Variants in PRELID2 observed in about 807,000 individuals in gnomAD.
PRELID2 encodes the protein PRELI domain containing 2.
A neutral mutation model predicts 28.4 loss-of-function variants in PRELID2; 25 were observed. The ratio of observed to expected loss-of-function variants is 0.88; its 90% CI spans 0.64 to 1.23. PRELID2 has a LOEUF of 1.23. PRELID2 is among the 50% of genes most tolerant of loss of function. The probability of loss-of-function intolerance (pLI) is 0.00; values close to 1 mark genes in which losing one functional copy is unlikely to be tolerated. For missense variants in PRELID2, 201 were observed against 214.4 expected, an observed-to-expected ratio of 0.94 and a Z score of 0.39; for synonymous variants, 76 against 71.6, an observed-to-expected ratio of 1.06 and a Z score of -0.31.
intron 1 of PRELID2, among the ~76,000 whole-genome samples, chr5:145,573,342 T>C (rs1753031047): frequency 6.6e-6 from 1 of 152,090 alleles, no homozygotes; most frequent in Admixed American, 6.5e-5. Flanking sequence ...CTTTTCTTTT[T>C]TTTTTTACTT....
intron 5 of PRELID2, among the ~76,000 whole-genome samples, chr5:145,780,252 G>T (rs113316247): frequency 5.9e-5 from 9 of 152,228 alleles, no homozygotes; most frequent in African/African-American, 2.2e-4. Flanking sequence ...GGTGGAGGTT[G>T]CAGTGAGCCA....
chr5:145,397,335 A>G, the PRELID2 span, among the ~76,000 whole-genome samples: 2 of 152,154 alleles, frequency 1.3e-5, no homozygotes, highest in Non-Finnish European at 2.9e-5. Flanking sequence ...CCAGGGTAAC[A>G]TATTTTGACA....
the PRELID2 span, among the ~76,000 whole-genome samples, chr5:145,454,674 T>A: frequency 1.3e-5 from 2 of 152,160 alleles, no homozygotes; most frequent in African/African-American, 4.8e-5. Context: ...TGAACTCCCA[T>A]TCACAATTGC....
chr5:145,421,477 C>G, the PRELID2 span, among the ~76,000 whole-genome samples: 19 of 150,062 alleles, frequency 1.3e-4, no homozygotes, highest in African/African-American at 3.7e-4. Flanking sequence ...TGTATGTGTC[C>G]AGGAATTTAT....
chr5:145,474,980 T>C (rs780028860), intron 1 of PRELID2, among the ~76,000 whole-genome samples: 9 of 152,200 alleles, frequency 5.9e-5, no homozygotes, highest in Non-Finnish European at 8.8e-5. Context: ...AGGTCTGTTA[T>C]TTATGGAAAC....
At chr5:145,483,287 A>G (rs551808220) in intron 1 of PRELID2, among the ~76,000 whole-genome samples, 1 of 152,282 alleles carries the variant, frequency 6.6e-6, no homozygotes, top group African/African-American at 2.4e-5. Context: ...CACTCTGACC[A>G]TTCTGAGCCT....
intron 1 of PRELID2, among the ~76,000 whole-genome samples, chr5:145,602,481 C>T (rs1210176459): frequency 4.6e-5 from 7 of 151,916 alleles, no homozygotes; most frequent in Admixed American, 4.6e-4. Context: ...TGAGGAAGAA[C>T]TGGGAAGACA....
intron 1 of PRELID2, among the ~76,000 whole-genome samples, chr5:145,622,599 G>A (rs554561985): frequency 2.7e-4 from 41 of 152,200 alleles, no homozygotes; most frequent in African/African-American, 9.4e-4. Context: ...GGCAAAAATA[G>A]CATAAACTTG....
chr5:145,632,065 C>G (rs1753939799), intron 1 of PRELID2, among the ~76,000 whole-genome samples: 1 of 152,144 alleles, frequency 6.6e-6, no homozygotes, highest in Non-Finnish European at 1.5e-5. Flanking sequence ...ATAATAACCC[C>G]TTAAGGCCTA....
chr5:145,371,899 A>AAC, the PRELID2 span, among the ~76,000 whole-genome samples: 9 of 149,900 alleles, frequency 6.0e-5, no homozygotes, highest in African/African-American at 2.2e-4. Context: ...AAAAAAAAAA[A>AAC]ACAGCTCCTG....
intron 1 of PRELID2, among the ~76,000 whole-genome samples, chr5:145,533,302 T>C (rs961514002): frequency 6.6e-6 from 1 of 152,092 alleles, no homozygotes; most frequent in Non-Finnish European, 1.5e-5. Flanking sequence ...GTCCCGATGC[T>C]AGCACCAAAA....
chr5:145,814,351 C>G (rs573517303), intron 4 of PRELID2, among the ~76,000 whole-genome samples: 177 of 152,226 alleles, frequency 1.2e-3, no homozygotes, highest in African/African-American at 4.0e-3. Context: ...TTTCTACATA[C>G]AAAGAAAGGA....
At chr5:145,752,269 TA>T (rs2149752389), downstream of PRELID2, among the ~76,000 whole-genome samples, 1 of 152,322 alleles carries the variant, frequency 6.6e-6, no homozygotes, top group East Asian at 1.9e-4. Context: ...ACAGAACAAT[TA>T]ACACCTAAAG....
At chr5:145,739,526 G>A (rs1756591486) in intron 1 of PRELID2, among the ~76,000 whole-genome samples, 2 of 151,584 alleles carry the variant, frequency 1.3e-5, no homozygotes, top group Admixed American at 1.3e-4. Flanking sequence ...AGAAATTTTG[G>A]AACATCAACA....
intron 1 of PRELID2, among the ~76,000 whole-genome samples, chr5:145,602,375 A>AT (rs1380745673): frequency 1.3e-5 from 2 of 152,240 alleles, no homozygotes; most frequent in Non-Finnish European, 2.9e-5. Context: ...GACAAAAGGA[A>AT]TTCCATTTTA....
At chr5:145,425,964 CT>C in the PRELID2 span, among the ~76,000 whole-genome samples, 4 of 152,102 alleles carry the variant, frequency 2.6e-5, no homozygotes, top group African/African-American at 9.7e-5. Context: ...TGGGAGCCCC[CT>C]CATCATCATT....
At chr5:145,678,000 C>A (rs1754854206) in intron 1 of PRELID2, among the ~76,000 whole-genome samples, 2 of 152,172 alleles carry the variant, frequency 1.3e-5, no homozygotes, top group Non-Finnish European at 2.9e-5. Flanking sequence ...AGAGTCAGTG[C>A]AACATGCTAA....
chr5:145,634,952 C>T (rs1327760386), intron 1 of PRELID2, among the ~76,000 whole-genome samples: 1 of 152,194 alleles, frequency 6.6e-6, no homozygotes, highest in Non-Finnish European at 1.5e-5. Context: ...CTGTAGCAGC[C>T]AGTCACAGTT....
At chr5:145,348,037 A>ACAAGGT in the PRELID2 span, among the ~76,000 whole-genome samples, 1 of 152,172 alleles carries the variant, frequency 6.6e-6, no homozygotes, top group Non-Finnish European at 1.5e-5. Context: ...CTTCTAAAGA[A>ACAAGGT]CAAGGTCTTA....
Sources: allele counts gnomAD v4.1 joint callset (sites outside exome capture counted in the v4.1 genomes callset), GRCh38; gene constraint gnomAD v4.1.1; transcripts MANE v1.5; gene names NCBI Gene and HGNC (gene_info 2026-07-23, HGNC 2026-07-21).